Variants in ZNF536 observed in about 807,000 individuals in gnomAD.
ZNF536 encodes the protein zinc finger protein 536.
A neutral mutation model predicts 84.5 loss-of-function variants in ZNF536; 13 were observed. The ratio of observed to expected loss-of-function variants is 0.15; its 90% CI spans 0.10 to 0.24. The LOEUF (loss-of-function observed/expected upper bound fraction) is 0.24, where lower values mean the gene tolerates loss of function less well. ZNF536 is among the 10% of genes least tolerant of loss of function. ZNF536 has a pLI of 1.00. For synonymous variants in ZNF536, 811 were observed against 742.5 expected (o/e 1.09, Z -1.50); for missense variants, 1,536 against 1,747.5 (o/e 0.88, Z 2.16).
chr19:30,705,309 ATGTG>A lies in ZNF536; in HGVS notation c.170-5424_170-5421del, dbSNP rs56199909. ...GCCTTTCAGCAAACAACTCAGAAAG[ATGTG>A]TGTGTGTGTGTGTGTGTGTGTGTCT... On this transcript the variant is annotated intron_variant, in intron 1 of 1. Transcript: ENST00000592773. Among the ~76,000 whole-genome samples, 46 of 149,208 alleles carry A rather than the reference ATGTG, an allele frequency of 3.1e-4. No homozygotes were observed. The South Asian group carries it at 5.2e-3, about 17-fold the overall frequency.
chr19:30,578,197 G>A (rs2046804003), intron 1 of ZNF536, among the ~76,000 whole-genome samples: 1 of 152,202 alleles, frequency 6.6e-6, no homozygotes, highest in Non-Finnish European at 1.5e-5. Flanking sequence ...CTGGAGAGAT[G>A]CTGTAAAGTC....
At chr19:30,575,925 G>T (rs1362321944) in intron 1 of ZNF536, among the ~76,000 whole-genome samples, 1 of 152,184 alleles carries the variant, frequency 6.6e-6, no homozygotes, top group Admixed American at 6.5e-5. Flanking sequence ...AAATGGCCTA[G>T]GCCTTGTGGC....
chr19:30,557,167 C>A lies in ZNF536; in HGVS notation c.*3C>A, dbSNP rs1257343730. On this transcript the variant is annotated 3_prime_UTR_variant, in exon 5 of 5. Transcript: ENST00000355537. ...CACATTTTCTTGCAGGTAAGTGACACTCCCTGTCCTAGTCGGTCTATCTGG... is the reference window on the plus strand; with the variant it reads ...CACATTTTCTTGCAGGTAAGTGACAATCCCTGTCCTAGTCGGTCTATCTGG... The A allele has an allele frequency of 5.6e-6, 9 of 1,613,518 alleles. No homozygotes were observed. The highest frequency in any genetic ancestry group is 5.0e-5 in the Admixed American group (3 of 59,944).
intron 2 of ZNF536, among the ~76,000 whole-genome samples, chr19:30,533,949 C>T (rs752361102): frequency 5.3e-5 from 8 of 152,212 alleles, no homozygotes; most frequent in Non-Finnish European, 1.0e-4. Context: ...GATGTCAGGC[C>T]TCGGGGGCTG....
At chr19:30,289,462 A>C (rs534499547) in intron 2 of ZNF536, among the ~76,000 whole-genome samples, 2 of 152,320 alleles carry the variant, frequency 1.3e-5, no homozygotes, top group Admixed American at 1.3e-4. Context: ...ACCTCCACGT[A>C]TGAGCCATGC....
intron 2 of ZNF536, among the ~76,000 whole-genome samples, chr19:30,495,517 C>T (rs16964255): frequency 0.022 from 3,310 of 152,128 alleles, 53 homozygotes; most frequent in Non-Finnish European, 0.037. Flanking sequence ...GCTGGTGTTT[C>T]GAACAGAGAG....
intron 2 of ZNF536, among the ~76,000 whole-genome samples, chr19:30,457,851 A>C (rs928797135): frequency 6.6e-6 from 1 of 152,110 alleles, no homozygotes; most frequent in Non-Finnish European, 1.5e-5. Flanking sequence ...TGGGTGTCTC[A>C]TGGGAGGGCT....
rs543453911 is a variant in ZNF536, at chr19:30,510,879, A to T, written c.2171-23968A>T. On this transcript the variant is annotated intron_variant, in intron 2 of 4. Coordinates refer to ENST00000355537, the MANE Select transcript of ZNF536 (RefSeq NM_014717.3). ...TCCCCGACCTGAGATGCTGATCAGCATTGTAGCTTTGCATCCTTGGCAGGA... is the reference window on the plus strand; with the variant it reads ...TCCCCGACCTGAGATGCTGATCAGCTTTGTAGCTTTGCATCCTTGGCAGGA... 7.2e-5 allele frequency among the ~76,000 whole-genome samples: 11 copies of T among 152,296 alleles called. No individual in the cohort carries two copies. The East Asian group carries it at 2.1e-3, about 29-fold the overall frequency.
At chr19:30,662,945 CTTTT>C (rs1446546861) in intron 1 of ZNF536, among the ~76,000 whole-genome samples, 2 of 103,190 alleles carry the variant, frequency 1.9e-5, no homozygotes, top group African/African-American at 3.7e-5. Context: ...CTCTTTCTTT[CTTTT>C]TCTTTTTCGT....
chr19:30,410,319 T>C (rs1384532905), intron 1 of ZNF536, among the ~76,000 whole-genome samples: 1 of 152,078 alleles, frequency 6.6e-6, no homozygotes, highest in East Asian at 1.9e-4. Context: ...TTCATAATTT[T>C]CTATTAAAGA....
chr19:30,358,762 G>C (rs1325455835), intron 3 of ZNF536, among the ~76,000 whole-genome samples: 1 of 152,206 alleles, frequency 6.6e-6, no homozygotes, highest in Non-Finnish European at 1.5e-5. Context: ...GATTTCGGAT[G>C]CCCTTCAGGG....
At chr19:30,358,750 G>C (rs2048176184) in intron 3 of ZNF536, among the ~76,000 whole-genome samples, 1 of 152,204 alleles carries the variant, frequency 6.6e-6, no homozygotes, top group Admixed American at 6.5e-5. Context: ...ATCTGGACAG[G>C]TGATTTCGGA....
chr19:30,259,877 C>T (rs959257490), intron 1 of ZNF536, among the ~76,000 whole-genome samples: 15 of 151,548 alleles, frequency 9.9e-5, no homozygotes, highest in African/African-American at 3.4e-4. Context: ...TCAGGCTCCT[C>T]TATATCTGGG....
intron 1 of ZNF536, among the ~76,000 whole-genome samples, chr19:30,408,461 C>A (rs1339229334): frequency 2.0e-5 from 3 of 152,318 alleles, no homozygotes; most frequent in Admixed American, 2.0e-4. Flanking sequence ...CATTATTTGT[C>A]CAGGCCACAG....
chr19:30,671,947 C>T (rs991378211), intron 1 of ZNF536, among the ~76,000 whole-genome samples: 3 of 152,132 alleles, frequency 2.0e-5, no homozygotes, highest in African/African-American at 7.2e-5. Flanking sequence ...CCATCATCTA[C>T]CCAGGAGTTC....
chr19:30,563,804 A>G (rs1032701297), intron 1 of ZNF536, among the ~76,000 whole-genome samples: 1 of 152,134 alleles, frequency 6.6e-6, no homozygotes, highest in Non-Finnish European at 1.5e-5. Context: ...GGCGTGACGG[A>G]TGCTCTAGTG....
At chr19:30,322,350 T>C (rs988559266) in intron 2 of ZNF536, among the ~76,000 whole-genome samples, 16 of 152,222 alleles carry the variant, frequency 1.1e-4, no homozygotes, top group Admixed American at 5.2e-4. Context: ...AGACAATTTT[T>C]CCCCCTCATT....
intron 1 of ZNF536, among the ~76,000 whole-genome samples, chr19:30,403,133 G>A (rs8105728): frequency 0.34 from 50,976 of 151,878 alleles, 8,917 homozygotes; most frequent in East Asian, 0.49. Context: ...ATGCTGCCTG[G>A]CATTGCTTAA....
At chr19:30,700,789 A>T (rs1394620539) in intron 1 of ZNF536, among the ~76,000 whole-genome samples, 2 of 152,194 alleles carry the variant, frequency 1.3e-5, no homozygotes, top group African/African-American at 4.8e-5. Context: ...TTTTTAATGT[A>T]TCCAACTGAC....
Sources: gnomAD v4.1 joint callset for allele counts (sites outside exome capture counted in the v4.1 genomes callset) on GRCh38, gnomAD v4.1.1 for gene constraint, MANE v1.5 for transcripts, NCBI Gene and HGNC (gene_info 2026-07-23, HGNC 2026-07-21) for gene names.